Variants in STAU2 observed in about 807,000 individuals in gnomAD.
The protein encoded by STAU2 is staufen double-stranded RNA binding protein 2, also known as double-stranded RNA-binding protein Staufen homolog 2.
STAU2 carries 20 observed loss-of-function variants against 65.9 expected under a neutral mutation model. That is an observed-to-expected ratio of 0.30 (90% CI 0.21 to 0.44). STAU2 has a LOEUF of 0.44. STAU2 is among the 20% of genes least tolerant of loss of function. The pLI is 1.00. For missense variants in STAU2, 558 were observed against 683.9 expected, an observed-to-expected ratio of 0.82 and a Z score of 2.05; for synonymous variants, 232 against 233.9, an observed-to-expected ratio of 0.99 and a Z score of 0.07.
intron 6 of STAU2, among the ~76,000 whole-genome samples, chr8:73,624,843 A>C (rs1208286357): frequency 1.3e-5 from 2 of 152,226 alleles, no homozygotes; most frequent in East Asian, 3.8e-4. Context: ...GTACGCCAAA[A>C]GTCAGGTGCA....
chr8:73,450,910 G>C (rs1222261224), intron 13 of STAU2, among the ~76,000 whole-genome samples: 2 of 152,142 alleles, frequency 1.3e-5, no homozygotes, highest in African/African-American at 4.8e-5. Flanking sequence ...AGAAGGTGAC[G>C]GCATTTGTAG....
At chr8:73,442,221 G>A (rs187685938) in intron 13 of STAU2, among the ~76,000 whole-genome samples, 104 of 152,142 alleles carry the variant, frequency 6.8e-4, no homozygotes, top group African/African-American at 2.4e-3. Flanking sequence ...GGGTGTGGTG[G>A]CGGGTGCCTG....
intron 3 of STAU2, among the ~76,000 whole-genome samples, chr8:73,721,572 T>C (rs1412122369): frequency 6.6e-6 from 1 of 152,200 alleles, no homozygotes; most frequent in Non-Finnish European, 1.5e-5. Flanking sequence ...TTTTGTTTCA[T>C]GTGTTTTGAA....
chr8:73,685,695 C>A (rs183633488), intron 5 of STAU2, among the ~76,000 whole-genome samples: 1 of 152,032 alleles, frequency 6.6e-6, no homozygotes, highest in African/African-American at 2.4e-5. Flanking sequence ...CACTTTTACA[C>A]CACTGGTGGG....
intron 4 of STAU2, among the ~76,000 whole-genome samples, chr8:73,703,610 T>G (rs998097451): frequency 6.6e-6 from 1 of 152,176 alleles, no homozygotes; most frequent in African/African-American, 2.4e-5. Context: ...ATACACATAA[T>G]GGACTACTCC....
At chr8:73,624,380 T>G (rs1813489009) in intron 6 of STAU2, among the ~76,000 whole-genome samples, 1 of 152,168 alleles carries the variant, frequency 6.6e-6, no homozygotes, top group Non-Finnish European at 1.5e-5. Context: ...ACCCTCAATC[T>G]CATACTTGGA....
At chr8:73,720,735 A>C (rs1443425657) in intron 3 of STAU2, among the ~76,000 whole-genome samples, 1 of 80,868 alleles carries the variant, frequency 1.2e-5, no homozygotes, top group African/African-American at 5.8e-5. Context: ...GATGGTCTCG[A>C]TCTCCTGACC....
chr8:73,587,098 A>G (rs1275770730), intron 11 of STAU2, among the ~76,000 whole-genome samples: 2 of 152,178 alleles, frequency 1.3e-5, no homozygotes, highest in African/African-American at 4.8e-5. Flanking sequence ...GAGAAGGGTA[A>G]AAGTTTCATA....
chr8:73,673,843 A>T (rs1817853388), intron 5 of STAU2, among the ~76,000 whole-genome samples: 1 of 152,122 alleles, frequency 6.6e-6, no homozygotes, highest in Admixed American at 6.5e-5. Context: ...CAAAAGACTG[A>T]AAACAACCTA....
chr8:73,722,615 T>C (rs2130713880), intron 3 of STAU2, among the ~76,000 whole-genome samples: 1 of 152,346 alleles, frequency 6.6e-6, no homozygotes, highest in Admixed American at 6.5e-5. Context: ...ATAAATCTAT[T>C]AAGATAATCA....
At chr8:73,518,054 T>G (rs1344002066) in intron 13 of STAU2, among the ~76,000 whole-genome samples, 1 of 152,128 alleles carries the variant, frequency 6.6e-6, no homozygotes, top group Non-Finnish European at 1.5e-5. Flanking sequence ...AAAAAAAAAG[T>G]TCTGCTCAGA....
At chr8:73,460,753 C>G (rs147318158) in intron 13 of STAU2, among the ~76,000 whole-genome samples, 8 of 152,308 alleles carry the variant, frequency 5.3e-5, no homozygotes, top group Non-Finnish European at 1.2e-4. Context: ...AGACACTATA[C>G]ACAGCTTTAT....
chr8:73,629,662 C>A (rs990717189), intron 6 of STAU2, among the ~76,000 whole-genome samples: 1 of 152,202 alleles, frequency 6.6e-6, no homozygotes, highest in Non-Finnish European at 1.5e-5. Context: ...TTAGAAATTT[C>A]TTCGGCTATG....
chr8:73,676,174 T>C (rs555025809), intron 5 of STAU2, among the ~76,000 whole-genome samples: 2 of 152,034 alleles, frequency 1.3e-5, no homozygotes, highest in South Asian at 4.2e-4. Flanking sequence ...CATTAGGATA[T>C]AACTTCTTTT....
At chr8:73,502,982 G>GA (rs1247982502) in intron 13 of STAU2, among the ~76,000 whole-genome samples, 1 of 152,010 alleles carries the variant, frequency 6.6e-6, no homozygotes, top group Non-Finnish European at 1.5e-5. Context: ...AAACCAGTGG[G>GA]AAAAACTGCT....
intron 13 of STAU2, among the ~76,000 whole-genome samples, chr8:73,498,620 C>T (rs986783644): frequency 2.6e-5 from 4 of 151,532 alleles, no homozygotes; most frequent in Non-Finnish European, 5.9e-5. Flanking sequence ...ATAGGCATGG[C>T]GCTGACATAA....
At chr8:73,460,120 ATCT>A (rs978976167) in intron 13 of STAU2, among the ~76,000 whole-genome samples, 3 of 152,334 alleles carry the variant, frequency 2.0e-5, no homozygotes, top group South Asian at 2.1e-4. Flanking sequence ...ATGTATCTGT[ATCT>A]TCTTAAGATT....
intron 6 of STAU2, among the ~76,000 whole-genome samples, chr8:73,658,592 CA>C (rs1816565750): frequency 6.6e-6 from 1 of 152,072 alleles, no homozygotes; most frequent in Non-Finnish European, 1.5e-5. Flanking sequence ...CATAAACCCT[CA>C]TTAATAGTCA....
At chr8:73,503,520 A>C (rs1821876996) in intron 13 of STAU2, among the ~76,000 whole-genome samples, 1 of 151,914 alleles carries the variant, frequency 6.6e-6, no homozygotes, top group Non-Finnish European at 1.5e-5. Context: ...AACAAGAACT[A>C]AACACTCAAA....
Sources: gnomAD v4.1 joint callset for allele counts (sites outside exome capture counted in the v4.1 genomes callset) on GRCh38, gnomAD v4.1.1 for gene constraint, MANE v1.5 for transcripts, NCBI Gene and HGNC (gene_info 2026-07-23, HGNC 2026-07-21) for gene names.